The following IDE variants were observed in gnomAD, a reference collection of about 807,000 sequenced individuals.
The protein encoded by IDE is insulin degrading enzyme.
IDE carries 58 observed loss-of-function variants against 133.2 expected under a neutral mutation model. That is an observed-to-expected ratio of 0.44 (90% confidence interval 0.35 to 0.54). The LOEUF (loss-of-function observed/expected upper bound fraction) is 0.54. IDE is among the 20% of genes least tolerant of loss of function. The pLI is 0.00. For missense variants in IDE, 981 were observed against 1,234.0 expected (o/e 0.79, Z 3.07); for synonymous variants, 396 against 421.3 (o/e 0.94, Z 0.73).
chr10:92,459,379 C>A (rs1845231780), intron 22 of IDE, among the ~76,000 whole-genome samples: 1 of 152,184 alleles, frequency 6.6e-6, no homozygotes. Flanking sequence ...CCACTAACTT[C>A]ACAAAGTCAT....
At chr10:92,518,562 A>G (rs1454980870) in intron 4 of IDE, among the ~76,000 whole-genome samples, 1 of 152,210 alleles carries the variant, frequency 6.6e-6, no homozygotes, top group Non-Finnish European at 1.5e-5. Flanking sequence ...CCTACTACAT[A>G]GTAATTCCAC....
At chr10:92,561,255 TA>T (rs1300503146) in intron 1 of IDE, among the ~76,000 whole-genome samples, 14 of 146,848 alleles carry the variant, frequency 9.5e-5, no homozygotes, top group Non-Finnish European at 1.1e-4. Context: ...AAACTCCGTC[TA>T]AAAAAAAAAT....
At chr10:92,544,439 A>G (rs546268782) in intron 1 of IDE, among the ~76,000 whole-genome samples, 87 of 152,332 alleles carry the variant, frequency 5.7e-4, no homozygotes, top group African/African-American at 2.0e-3. Context: ...ATACTAAAGT[A>G]TAACCAAAAA....
intron 4 of IDE, among the ~76,000 whole-genome samples, chr10:92,519,463 T>C (rs1237680976): frequency 6.6e-6 from 1 of 152,184 alleles, no homozygotes; most frequent in Non-Finnish European, 1.5e-5. Context: ...AGGAGCAGGG[T>C]TGCTCACCTA....
chr10:92,530,865 TAAAG>T (rs1849885831), intron 4 of IDE, among the ~76,000 whole-genome samples: 1 of 152,222 alleles, frequency 6.6e-6, no homozygotes, highest in Admixed American at 6.5e-5. Context: ...TATCCAAACT[TAAAG>T]AAAGTTGTCT....
At chr10:92,530,748 G>A (rs111560569) in intron 4 of IDE, among the ~76,000 whole-genome samples, 11 of 152,046 alleles carry the variant, frequency 7.2e-5, no homozygotes, top group Non-Finnish European at 1.5e-4. Context: ...CAAGTACCAC[G>A]GTTCTAAAGA....
chr10:92,485,128 T>TC (rs1425496245), intron 13 of IDE, among the ~76,000 whole-genome samples: 28 of 137,698 alleles, frequency 2.0e-4, no homozygotes, highest in South Asian at 9.1e-4. Flanking sequence ...TTTCTTTCTT[T>TC]TTTTTTTTTT....
chr10:92,508,349 C>A, intron 7 of IDE, 144 bp from the exon 8 acceptor site: 1 of 688,724 alleles, frequency 1.5e-6, no homozygotes. Context: ...AAAATCAGTT[C>A]AGAAAAGCAG....
At chr10:92,559,682 G>T (rs1351421378) in intron 1 of IDE, among the ~76,000 whole-genome samples, 2 of 151,682 alleles carry the variant, frequency 1.3e-5, no homozygotes, top group African/African-American at 4.8e-5. Flanking sequence ...GTTTTAAAAT[G>T]ATTGTGGTGA....
intron 11 of IDE, 144 bp downstream of exon 11, chr10:92,504,650 G>T: frequency 3.5e-6 from 2 of 569,224 alleles, no homozygotes; most frequent in Non-Finnish European, 6.2e-6. Context: ...TTGAAGCTTG[G>T]TGTTGCTTCA....
At chr10:92,509,938 A>C (rs981492887) in intron 6 of IDE, 112 bp downstream of exon 6, 7 of 565,992 alleles carry the variant, frequency 1.2e-5, no homozygotes, top group South Asian at 4.7e-5. Context: ...AAAAAAAAAA[A>C]ACACAACATA....
At chr10:92,553,032 CATA>C (rs1842862352) in intron 1 of IDE, among the ~76,000 whole-genome samples, 1 of 151,608 alleles carries the variant, frequency 6.6e-6, no homozygotes, top group Non-Finnish European at 1.5e-5. Flanking sequence ...GGGTCCAAGC[CATA>C]ATAATTTGAG....
intron 17 of IDE, among the ~76,000 whole-genome samples, chr10:92,470,587 A>G (rs1272321811): frequency 6.6e-6 from 1 of 151,654 alleles, no homozygotes; most frequent in Non-Finnish European, 1.5e-5. Context: ...CTTTTTTTTT[A>G]TTCCAGGATT....
chr10:92,500,126 C>T (rs1197149752), intron 11 of IDE, among the ~76,000 whole-genome samples: 15 of 151,970 alleles, frequency 9.9e-5, no homozygotes, highest in Non-Finnish European at 7.4e-5. Context: ...GGAGAAACCC[C>T]GTCTCTATTA....
chr10:92,484,282 G>A (rs560265320), intron 13 of IDE, among the ~76,000 whole-genome samples: 4 of 152,122 alleles, frequency 2.6e-5, no homozygotes, highest in South Asian at 2.1e-4. Context: ...GTGGTGGCTC[G>A]TGCCTGTAGT....
chr10:92,518,027 T>C (rs997383321), intron 4 of IDE, among the ~76,000 whole-genome samples: 1 of 151,890 alleles, frequency 6.6e-6, no homozygotes, highest in Non-Finnish European at 1.5e-5. Context: ...ACCTGAGGGG[T>C]CCAGATGCTC....
At chr10:92,501,214 A>T (rs1847987939) in intron 11 of IDE, among the ~76,000 whole-genome samples, 2 of 150,478 alleles carry the variant, frequency 1.3e-5, no homozygotes. Flanking sequence ...TTAAAAAATT[A>T]GCTGGGCATT....
rs773290496 is a variant in IDE at position 92,461,208 on chromosome 10, T to C, written c.2806A>G (p.Ile936Val). ...TGACTTACCTTGTAGAATTTGATGATATCTTCCTTGGTAAGTGTCTTTAAA... is the reference window on the plus strand; with the variant it reads ...TGACTTACCTTGTAGAATTTGATGACATCTTCCTTGGTAAGTGTCTTTAAA... ...AYLKTLTKEDIIKFYKEMLAV... is the reference protein window; with the variant it reads ...AYLKTLTKEDVIKFYKEMLAV... Residue 936 changes from isoleucine to valine, a missense_variant, in exon 22 of 25, where the codon ATC becomes GTC. Physicochemically the swap from Ile to Val is conservative, Grantham distance 29 (BLOSUM62 3). Coordinates refer to ENST00000265986, the MANE Select transcript of IDE (RefSeq NM_004969.4). 2 of 1,436,854 alleles carry C rather than the reference T, an allele frequency of 1.4e-6. No individual in the cohort carries two copies. The highest frequency in any genetic ancestry group is 1.4e-5 in the African/African-American group (1 of 71,748). The allele number at this position is 1,436,854 out of a possible 1,614,324, so 89.0% of individuals were successfully genotyped here.
chr10:92,563,688 G>A (rs1843388305), intron 1 of IDE, among the ~76,000 whole-genome samples: 1 of 151,936 alleles, frequency 6.6e-6, no homozygotes, highest in African/African-American at 2.4e-5. Flanking sequence ...GCAGGGGGCA[G>A]AGGTTGCAGT....
Sources: allele counts gnomAD v4.1 joint callset (sites outside exome capture counted in the v4.1 genomes callset), GRCh38; gene constraint gnomAD v4.1.1; transcripts MANE v1.5; gene names NCBI Gene and HGNC (gene_info 2026-07-23, HGNC 2026-07-21).